The following BTBD9 variants were observed in gnomAD, a reference collection of about 807,000 sequenced individuals.
BTBD9 encodes the protein BTB domain containing 9.
In BTBD9, 49 loss-of-function variants were observed where a neutral mutation model predicts 64.3. That is an observed-to-expected ratio of 0.76 (90% CI 0.61 to 0.97). The LOEUF is 0.97. Ranked by LOEUF, BTBD9 falls within the 50% of genes least tolerant of loss-of-function variation. The pLI is 0.00. For missense variants in BTBD9, 598 were observed against 762.1 expected (o/e 0.78, Z 2.53); for synonymous variants, 260 against 274.7 (o/e 0.95, Z 0.53).
intron 6 of BTBD9, among the ~76,000 whole-genome samples, chr6:38,438,665 A>G (rs892566254): frequency 6.6e-6 from 1 of 152,240 alleles, no homozygotes; most frequent in Non-Finnish European, 1.5e-5. Flanking sequence ...CAATCTTACA[A>G]GTATATTTAT....
intron 7 of BTBD9, among the ~76,000 whole-genome samples, chr6:38,315,784 G>A (rs1427041760): frequency 6.6e-6 from 1 of 152,194 alleles, no homozygotes; most frequent in East Asian, 1.9e-4. Flanking sequence ...TGTGTATTCT[G>A]CAGCTGTTGG....
chr6:38,352,189 C>A (rs1764545322), intron 6 of BTBD9, among the ~76,000 whole-genome samples: 1 of 151,924 alleles, frequency 6.6e-6, no homozygotes, highest in South Asian at 2.1e-4. Context: ...CCAGCCTGGG[C>A]AACAGAGGGG....
chr6:38,238,196 G>A (rs954720896), intron 9 of BTBD9, among the ~76,000 whole-genome samples: 1 of 152,176 alleles, frequency 6.6e-6, no homozygotes, highest in Non-Finnish European at 1.5e-5. Context: ...CCAAATATGA[G>A]TGACCAATGG....
chr6:38,463,502 T>C (rs147744234), intron 6 of BTBD9, among the ~76,000 whole-genome samples: 215 of 152,350 alleles, frequency 1.4e-3, no homozygotes, highest in Admixed American at 3.5e-3. Context: ...AAGTTAGCTA[T>C]TGAATTTCTA....
chr6:38,374,739 C>A (rs957171305), intron 6 of BTBD9, among the ~76,000 whole-genome samples: 1 of 152,114 alleles, frequency 6.6e-6, no homozygotes, highest in African/African-American at 2.4e-5. Context: ...GAAATCAGCA[C>A]GAAATCAATA....
chr6:38,497,934 A>G (rs903390852), intron 6 of BTBD9, among the ~76,000 whole-genome samples: 1 of 152,256 alleles, frequency 6.6e-6, no homozygotes, highest in Non-Finnish European at 1.5e-5. Flanking sequence ...GTTTATAGAA[A>G]GAGGTATTTA....
At position 38,580,254 on chromosome 6, in the gene BTBD9, T is replaced by G; in HGVS notation, c.998A>C (p.Asn333Thr). The change falls in exon 5 of 11, where the codon AAT becomes ACT. Residue 333 changes from asparagine to threonine, a missense_variant. Coordinates refer to ENST00000481247, the MANE Select transcript of BTBD9 (RefSeq NM_001099272.2). ...EIKLGQPSIINHIRILLWDRD... is the reference protein window; with the variant it reads ...EIKLGQPSIITHIRILLWDRD... ...GTCCCACAAGAGTATCCGTATGTGA[T>G]TGATAATGGATGGCTGACCTAGCTT... The G allele has an allele frequency of 6.2e-7, 1 of 1,614,262 alleles. No individual in the cohort carries two copies. The highest frequency in any genetic ancestry group is 8.5e-7 in the Non-Finnish European group (1 of 1,180,042).
intron 5 of BTBD9, among the ~76,000 whole-genome samples, chr6:38,577,982 C>A (rs917380907): frequency 1.8e-4 from 28 of 152,128 alleles, no homozygotes; most frequent in Non-Finnish European, 4.0e-4. Flanking sequence ...ATTCATATCC[C>A]CAGGGTCCTA....
intron 6 of BTBD9, among the ~76,000 whole-genome samples, chr6:38,480,174 G>A (rs1171185726): frequency 3.3e-5 from 5 of 152,286 alleles, no homozygotes; most frequent in South Asian, 4.1e-4. Flanking sequence ...ACAGATAAAC[G>A]TAGCTCTGAA....
intron 6 of BTBD9, among the ~76,000 whole-genome samples, chr6:38,548,122 TTA>T (rs1312683211): frequency 6.6e-6 from 1 of 152,240 alleles, no homozygotes; most frequent in Non-Finnish European, 1.5e-5. Context: ...TGATTCAAAA[TTA>T]TGTTTCTTTG....
intron 7 of BTBD9, among the ~76,000 whole-genome samples, chr6:38,332,903 T>C (rs1260836882): frequency 6.6e-6 from 1 of 152,254 alleles, no homozygotes; most frequent in East Asian, 1.9e-4. Flanking sequence ...AGGCATTTGT[T>C]GTTTGTGGGA....
At chr6:38,208,661 T>C (rs554514333) in intron 9 of BTBD9, among the ~76,000 whole-genome samples, 2 of 152,206 alleles carry the variant, frequency 1.3e-5, no homozygotes, top group Non-Finnish European at 2.9e-5. Context: ...GGAGACTCAG[T>C]GTGCAGGCCT....
chr6:38,490,978 G>A (rs1000336228), intron 6 of BTBD9, among the ~76,000 whole-genome samples: 1 of 152,132 alleles, frequency 6.6e-6, no homozygotes, highest in Non-Finnish European at 1.5e-5. Context: ...TGTTGGATAT[G>A]GGCATAAAAG....
intron 10 of BTBD9, among the ~76,000 whole-genome samples, chr6:38,188,217 G>A (rs991601590): frequency 4.6e-5 from 7 of 152,218 alleles, no homozygotes; most frequent in African/African-American, 1.7e-4. Context: ...GGTCCCTGTT[G>A]CAGAGCTATC....
Position 38,237,345 on chromosome 6 carries a change from T to C in BTBD9, c.1562+19064A>G, listed in dbSNP as rs1005085345. On this transcript the variant is annotated intron_variant, in intron 9 of 10. Transcript: ENST00000481247. Reference sequence around the variant, plus strand: ...TCTGATCAACAAATCCAACTTTTTGTGCCAAAAGGGCAAAATAATTTCTTA... The same window carrying C: ...TCTGATCAACAAATCCAACTTTTTGCGCCAAAAGGGCAAAATAATTTCTTA... Among the ~76,000 whole-genome samples, 8 of 152,212 alleles carry C rather than the reference T, an allele frequency of 5.3e-5. No individual in the cohort carries two copies. In the East Asian group the frequency reaches 1.5e-3, roughly 29 times the overall value.
intron 6 of BTBD9, among the ~76,000 whole-genome samples, chr6:38,549,689 G>A (rs1022090602): frequency 7.2e-5 from 11 of 152,084 alleles, no homozygotes; most frequent in Admixed American, 6.5e-5. Context: ...TCAGAGTAGG[G>A]AACCACCCTA....
At chr6:38,449,294 C>A (rs148705597) in intron 6 of BTBD9, among the ~76,000 whole-genome samples, 7 of 152,268 alleles carry the variant, frequency 4.6e-5, no homozygotes, top group African/African-American at 1.7e-4. Flanking sequence ...AAGACAGAGT[C>A]TCACCTGGAA....
intron 6 of BTBD9, among the ~76,000 whole-genome samples, chr6:38,418,251 T>A (rs937077159): frequency 1.3e-5 from 2 of 152,182 alleles, no homozygotes; most frequent in Non-Finnish European, 2.9e-5. Flanking sequence ...TAAATATGTT[T>A]AGGGTTGCAC....
intron 6 of BTBD9, among the ~76,000 whole-genome samples, chr6:38,530,868 C>T (rs1374213661): frequency 6.6e-6 from 1 of 151,962 alleles, no homozygotes; most frequent in Non-Finnish European, 1.5e-5. Context: ...CTCTTAACAG[C>T]AGAACTGATC....
Sources: gnomAD v4.1 joint callset for allele counts (sites outside exome capture counted in the v4.1 genomes callset) on GRCh38, gnomAD v4.1.1 for gene constraint, MANE v1.5 for transcripts, NCBI Gene and HGNC (gene_info 2026-07-23, HGNC 2026-07-21) for gene names.